CCDC60: variants seen among roughly 807,000 people sequenced by gnomAD.
CCDC60 encodes the protein coiled-coil domain-containing protein 60.
A neutral mutation model predicts 63.5 loss-of-function variants in CCDC60; 54 were observed. The observed-to-expected ratio is 0.85, with a 90% CI of 0.68 to 1.07. CCDC60 has a LOEUF of 1.07. Among genes scored for constraint, CCDC60 ranks in the 50% least tolerant of loss-of-function variants. CCDC60 has a pLI of 0.00. For missense variants in CCDC60, 651 were observed against 684.3 expected (o/e 0.95, Z 0.54); for synonymous variants, 206 against 238.8 (o/e 0.86, Z 1.27).
At chr12:119,439,397 T>C (rs577415754) in intron 2 of CCDC60, among the ~76,000 whole-genome samples, 39 of 152,272 alleles carry the variant, frequency 2.6e-4, no homozygotes, top group Admixed American at 8.5e-4. Flanking sequence ...ATTTGATTCA[T>C]TTACATCCTT....
chr12:119,435,716 T>C (rs539169347), intron 2 of CCDC60, among the ~76,000 whole-genome samples: 8 of 152,358 alleles, frequency 5.3e-5, no homozygotes, highest in African/African-American at 1.9e-4. Context: ...AAAGTCATTG[T>C]ATCGGTCAGC....
At chr12:119,394,098 T>C (rs770108795) in intron 1 of CCDC60, among the ~76,000 whole-genome samples, 11 of 152,156 alleles carry the variant, frequency 7.2e-5, no homozygotes, top group Non-Finnish European at 1.2e-4. Context: ...CATTTACCAA[T>C]AGCTTGCTAC....
At position 119,528,649 on chromosome 12, in the gene CCDC60, G is replaced by C; in HGVS notation, c.1264G>C (p.Ala422Pro). ...AGAGAGAGGTATCCAGAAGTTCCGT[G>C]CTTTTGTCCTTGTCTCAAATTTTCA... The part of the protein sequence containing the change: ...QEERGIQKFR[A>P]FVLVSNFQKD... Residue 422 changes from alanine (A) to proline (P), a missense_variant, in exon 12 of 14, where the codon GCT becomes CCT. Physicochemically the swap from Ala to Pro is conservative, Grantham distance 27. Coordinates refer to ENST00000327554, the MANE Select transcript of CCDC60 (RefSeq NM_178499.5). The C allele has an allele frequency of 6.2e-7, 1 of 1,613,954 alleles. No individual in the cohort carries two copies. The highest frequency in any genetic ancestry group is 1.1e-5 in the South Asian group (1 of 91,050).
intron 6 of CCDC60, among the ~76,000 whole-genome samples, chr12:119,502,831 G>A (rs985220199): frequency 2.0e-5 from 3 of 152,118 alleles, no homozygotes; most frequent in Admixed American, 1.3e-4. Flanking sequence ...CTCACTGCAA[G>A]ATTCCAAGCT....
intron 9 of CCDC60, among the ~76,000 whole-genome samples, 175 bp from the exon 10 acceptor site, chr12:119,522,764 T>C (rs1026282941): frequency 6.6e-6 from 1 of 152,102 alleles, no homozygotes; most frequent in Non-Finnish European, 1.5e-5. Flanking sequence ...GGATATGGCA[T>C]GAGGAAAGGC....
chr12:119,483,029 C>T (rs960257484), intron 4 of CCDC60, among the ~76,000 whole-genome samples: 39 of 152,150 alleles, frequency 2.6e-4, no homozygotes, highest in Non-Finnish European at 8.8e-5. Context: ...GATGATGGTG[C>T]TGGTGATGAT....
intron 2 of CCDC60, among the ~76,000 whole-genome samples, chr12:119,440,194 G>A (rs1004361013): frequency 7.9e-5 from 12 of 152,182 alleles, no homozygotes; most frequent in Non-Finnish European, 1.2e-4. Context: ...AAACCTGCAC[G>A]TTCTGCACAT....
chr12:119,398,550 C>T (rs111844394), intron 1 of CCDC60, among the ~76,000 whole-genome samples: 8 of 152,340 alleles, frequency 5.3e-5, no homozygotes, highest in African/African-American at 1.7e-4. Context: ...GCCGAGGAGG[C>T]GCCAAGAGTG....
At chr12:119,535,061 T>C (rs1952964084) in intron 13 of CCDC60, among the ~76,000 whole-genome samples, 1 of 152,182 alleles carries the variant, frequency 6.6e-6, no homozygotes, top group Admixed American at 6.5e-5. Flanking sequence ...CTTTTTTTCT[T>C]GGTAGGCTAT....
intron 1 of CCDC60, among the ~76,000 whole-genome samples, chr12:119,353,452 C>G (rs975995476): frequency 1.3e-5 from 2 of 150,472 alleles, no homozygotes; most frequent in African/African-American, 4.9e-5. Flanking sequence ...ATCTCTCTCT[C>G]TCTCTCACTC....
At chr12:119,372,721 T>C (rs1396500085) in intron 1 of CCDC60, among the ~76,000 whole-genome samples, 3 of 152,058 alleles carry the variant, frequency 2.0e-5, no homozygotes, top group Non-Finnish European at 4.4e-5. Context: ...ACACAACACC[T>C]GGGCCCTAGA....
Position 119,472,104 on chromosome 12 carries a change from GAAAT to G in CCDC60, c.286_289del (p.Lys96SerfsTer17), listed in dbSNP as rs1352558748. 1 of 1,614,078 alleles carries G rather than the reference GAAAT, an allele frequency of 6.2e-7. No individual in the cohort carries two copies. The highest frequency in any genetic ancestry group is 8.5e-7 in the Non-Finnish European group (1 of 1,180,042). ...CTTCAGAAACTGAAAGAGGAGGAAA[GAAAT>G]AAATTCCAGCCAGCCGAAAAGATCT... On this transcript the variant is annotated frameshift_variant, in exon 3 of 14. Transcript: ENST00000327554. LOFTEE classifies it high-confidence loss of function.
At chr12:119,461,599 G>C (rs1950858168) in intron 2 of CCDC60, among the ~76,000 whole-genome samples, 1 of 152,132 alleles carries the variant, frequency 6.6e-6, no homozygotes, top group Non-Finnish European at 1.5e-5. Flanking sequence ...CCCATGCACT[G>C]GTTGAGAAGA....
chr12:119,386,493 C>T (rs1412111387), intron 1 of CCDC60, among the ~76,000 whole-genome samples: 2 of 123,418 alleles, frequency 1.6e-5, no homozygotes, highest in Non-Finnish European at 3.4e-5. Context: ...AGGGTAATTC[C>T]ACTCTAAGAA....
chr12:119,367,035 G>C (rs961109839), intron 1 of CCDC60, among the ~76,000 whole-genome samples: 2 of 152,114 alleles, frequency 1.3e-5, no homozygotes, highest in African/African-American at 4.8e-5. Context: ...GTTTCACCAT[G>C]TTGGCCAGGC....
At chr12:119,518,119 C>T (rs1010522778) in intron 8 of CCDC60, among the ~76,000 whole-genome samples, 1 of 152,148 alleles carries the variant, frequency 6.6e-6, no homozygotes, top group African/African-American at 2.4e-5. Context: ...GCTGCCTCAA[C>T]TCTCATTGGG....
At chr12:119,417,281 T>C (rs761390701) in intron 1 of CCDC60, among the ~76,000 whole-genome samples, 1 of 152,146 alleles carries the variant, frequency 6.6e-6, no homozygotes, top group African/African-American at 2.4e-5. Flanking sequence ...TTGTATGATG[T>C]ACAAGAAAAT....
At chr12:119,360,601 C>G (rs1467284434) in intron 1 of CCDC60, among the ~76,000 whole-genome samples, 2 of 151,946 alleles carry the variant, frequency 1.3e-5, no homozygotes, top group Admixed American at 1.3e-4. Context: ...AGGCACTCCT[C>G]ACATCCCAAA....
intron 1 of CCDC60, among the ~76,000 whole-genome samples, chr12:119,397,999 G>C (rs1467931518): frequency 7.7e-5 from 3 of 38,830 alleles, no homozygotes; most frequent in Admixed American, 2.3e-4. Context: ...GGGGCGGTGT[G>C]GGGGGATGGG....
Sources: allele counts gnomAD v4.1 joint callset (sites outside exome capture counted in the v4.1 genomes callset), GRCh38; gene constraint gnomAD v4.1.1; transcripts MANE v1.5; gene names NCBI Gene and HGNC (gene_info 2026-07-23, HGNC 2026-07-21).